The following FAM3D variants were observed in gnomAD, a reference collection of about 807,000 sequenced individuals.
FAM3D encodes the protein FAM3 metabolism regulating signaling molecule D, also known as protein FAM3D.
Under a neutral mutation model 29.8 loss-of-function variants are expected in FAM3D, and 26 were observed. The observed-to-expected ratio is 0.87, with a 90% CI of 0.64 to 1.21. The LOEUF (loss-of-function observed/expected upper bound fraction) is 1.21, where lower values mean the gene tolerates loss of function less well. FAM3D is among the 50% of genes most tolerant of loss of function. The probability of loss-of-function intolerance (pLI) is 0.00; values close to 1 mark genes in which losing one functional copy is unlikely to be tolerated. For missense variants in FAM3D, 253 were observed against 290.9 expected, an observed-to-expected ratio of 0.87 and a Z score of 0.95; for synonymous variants, 115 against 102.3, an observed-to-expected ratio of 1.12 and a Z score of -0.75.
intron 1 of FAM3D, among the ~76,000 whole-genome samples, chr3:58,657,352 G>C (rs1376951085): frequency 4.6e-5 from 7 of 151,436 alleles, no homozygotes; most frequent in African/African-American, 7.3e-5. Context: ...AGTTGAAGGG[G>C]GAGACGGAGA....
chr3:58,634,392 A>C lies in FAM3D; in HGVS notation c.586-24T>G. On this transcript the variant is annotated intron_variant, in intron 9 of 9. Coordinates refer to ENST00000358781, the MANE Select transcript of FAM3D (RefSeq NM_138805.3). This position sits in a 1 kb window ranked among gnomAD's most constrained non-coding sequence, Gnocchi z 4.6. Reference sequence around the variant, plus strand: ...AACTAGAGAGAGAGAAGACAGAGAAATATAGGCAGTGAGTGAGGCTGTTCA... The same window carrying C: ...AACTAGAGAGAGAGAAGACAGAGAACTATAGGCAGTGAGTGAGGCTGTTCA... 1 of 1,606,566 alleles carries C rather than the reference A, an allele frequency of 6.2e-7. No individual in the cohort carries two copies. Among genetic ancestry groups the C allele is most frequent in the Non-Finnish European group, 8.5e-7 (1 of 1,174,292 alleles).
intron 1 of FAM3D, among the ~76,000 whole-genome samples, chr3:58,658,958 G>A (rs763269696): frequency 6.6e-6 from 1 of 152,206 alleles, no homozygotes; most frequent in Non-Finnish European, 1.5e-5. Context: ...TGTGATCTTG[G>A]TCTTAAAAGC....
At chr3:58,649,424 G>A (rs761173017) in intron 3 of FAM3D, 86 bp from the exon 4 acceptor site, 2 of 1,496,082 alleles carry the variant, frequency 1.3e-6, no homozygotes, top group South Asian at 1.2e-5. Flanking sequence ...GCTGGGGAGT[G>A]GGAATAAGGG....
chr3:58,651,622 G>A (rs1005792901), intron 3 of FAM3D, among the ~76,000 whole-genome samples: 1 of 152,134 alleles, frequency 6.6e-6, no homozygotes, highest in Non-Finnish European at 1.5e-5. Flanking sequence ...TGGAGATGTT[G>A]GCTTGTCAAA....
At chr3:58,643,505 TG>T (rs1392397508) in intron 6 of FAM3D, among the ~76,000 whole-genome samples, 156 bp downstream of exon 6, 3 of 152,234 alleles carry the variant, frequency 2.0e-5, no homozygotes, top group Admixed American at 6.5e-5. Flanking sequence ...TGAGACCTTC[TG>T]TTCCCCCAGG....
Position 58,653,646 on chromosome 3 carries a change from C to T in FAM3D, c.121+28G>A, listed in dbSNP as rs199708473. The stretch of plus-strand genomic sequence containing the variant: ...CGGCCCCCAGGCCTGGTCTGCAGTT[C>T]CTGCCCCCAGCAGTGAGCCCCACTC... On this transcript the variant is annotated intron_variant, in intron 3 of 9. Coordinates refer to ENST00000358781, the MANE Select transcript of FAM3D (RefSeq NM_138805.3). 8 of 1,602,340 alleles carry T rather than the reference C, an allele frequency of 5.0e-6. 1 individual carries two copies. In the South Asian group the frequency reaches 6.6e-5, roughly 13 times the overall value.
intron 6 of FAM3D, among the ~76,000 whole-genome samples, chr3:58,643,039 C>T (rs1189054699): frequency 6.6e-6 from 1 of 152,214 alleles, no homozygotes; most frequent in Non-Finnish European, 1.5e-5. Flanking sequence ...CTTAGCTGGC[C>T]ATCAGCTCCC....
chr3:58,649,431 A>G, intron 3 of FAM3D, 93 bp from the exon 4 acceptor site: 1 of 1,477,414 alleles, frequency 6.8e-7, no homozygotes, highest in Non-Finnish European at 9.3e-7. Flanking sequence ...AGTGGGAATA[A>G]GGGGATTTAA....
chr3:58,657,214 G>A (rs1354434535), intron 1 of FAM3D, among the ~76,000 whole-genome samples: 2 of 152,130 alleles, frequency 1.3e-5, no homozygotes, highest in East Asian at 3.9e-4. Context: ...CATGTTAGAG[G>A]AGCCAGGAGA....
chr3:58,653,948 A>G (rs758445143), intron 2 of FAM3D, among the ~76,000 whole-genome samples, 167 bp from the exon 3 acceptor site: 2 of 152,222 alleles, frequency 1.3e-5, no homozygotes, highest in Non-Finnish European at 2.9e-5. Context: ...GAATTTGTCC[A>G]GTGGCCAGTT....
At chr3:58,661,820 T>C (rs2066936367) in intron 1 of FAM3D, among the ~76,000 whole-genome samples, 1 of 152,228 alleles carries the variant, frequency 6.6e-6, no homozygotes, top group Non-Finnish European at 1.5e-5. Context: ...AAGCAGGCTT[T>C]CTTGCCCTCT....
rs760046582 is a variant in FAM3D, at chr3:58,637,212, T to C, written c.387A>G (p.Leu129=). The change falls in exon 8 of 10, where the codon CTA becomes CTG. Residue 129 remains leucine, a synonymous_variant. Transcript: ENST00000358781. ...CCGGAATTTCTTTAAGGAATTTCAC[T>C]AGGTGCATAACATCTGGGGGAGGAA... ...FDMYSGDVMH[L]VKFLKEIPGG... is the part of the protein sequence containing the mutation. 2.2e-5 allele frequency: 35 copies of C among 1,613,202 alleles called. No homozygotes were observed. Among genetic ancestry groups the C allele is most frequent in the Non-Finnish European group, 2.9e-5 (34 of 1,179,720 alleles).
chr3:58,650,969 G>A (rs1041183058), intron 3 of FAM3D, among the ~76,000 whole-genome samples: 2 of 149,532 alleles, frequency 1.3e-5, no homozygotes, highest in East Asian at 1.9e-4. Flanking sequence ...TGCCCGCCTC[G>A]GCATCCCAAA....
At chr3:58,639,365 T>C (rs1012952071) in intron 7 of FAM3D, among the ~76,000 whole-genome samples, 4 of 152,218 alleles carry the variant, frequency 2.6e-5, no homozygotes, top group Non-Finnish European at 4.4e-5. Context: ...ATGAAGAAAC[T>C]GAGGCTCAAG....
At chr3:58,636,901 TA>T (rs2066186462) in intron 8 of FAM3D, among the ~76,000 whole-genome samples, 1 of 152,206 alleles carries the variant, frequency 6.6e-6, no homozygotes, top group Non-Finnish European at 1.5e-5. Context: ...CCGTATGTCA[TA>T]GTTTCTGTAG....
At chr3:58,638,897 T>C (rs537071224) in intron 7 of FAM3D, among the ~76,000 whole-genome samples, 1 of 152,342 alleles carries the variant, frequency 6.6e-6, no homozygotes, top group African/African-American at 2.4e-5. Context: ...TTAATTTGTG[T>C]TGTTAGCAGA....
At chr3:58,662,331 A>C (rs528894975) in intron 1 of FAM3D, among the ~76,000 whole-genome samples, 4 of 152,362 alleles carry the variant, frequency 2.6e-5, no homozygotes, top group Middle Eastern at 3.4e-3. Flanking sequence ...GGCCTCCACA[A>C]CAAAGTCGAT....
intron 1 of FAM3D, among the ~76,000 whole-genome samples, chr3:58,662,828 C>T (rs4453859): frequency 6.6e-6 from 1 of 152,114 alleles, no homozygotes; most frequent in African/African-American, 2.4e-5. Context: ...TGAGTATGAT[C>T]TATCTCTGGG....
At chr3:58,655,148 T>C (rs2066755251) in intron 2 of FAM3D, among the ~76,000 whole-genome samples, 1 of 152,218 alleles carries the variant, frequency 6.6e-6, no homozygotes, top group Non-Finnish European at 1.5e-5. Flanking sequence ...GCATTTCGTG[T>C]CTGCTGCCTC....
Sources: gnomAD v4.1 joint callset for allele counts (sites outside exome capture counted in the v4.1 genomes callset) on GRCh38, gnomAD v4.1.1 for gene constraint, Gnocchi (gnomAD v3.1) non-coding constraint, MANE v1.5 for transcripts, NCBI Gene and HGNC (gene_info 2026-07-23, HGNC 2026-07-21) for gene names.